The following CDH23 variants were observed in gnomAD, a reference collection of about 807,000 sequenced individuals.
CDH23 encodes the protein cadherin-23.
In CDH23, 189 loss-of-function variants were observed where a neutral mutation model predicts 317.1. The observed-to-expected ratio is 0.60, with a 90% CI of 0.53 to 0.67. The LOEUF is 0.67. Ranked by LOEUF, CDH23 falls within the 30% of genes least tolerant of loss-of-function variation. CDH23 has a pLI of 0.00. For missense variants in CDH23, 4,401 were observed against 4,592.4 expected (o/e 0.96, Z 1.20); for synonymous variants, 1,839 against 1,876.8 (o/e 0.98, Z 0.52).
rs769114390 is a variant in CDH23 at position 71,695,504 on chromosome 10, T to C, written c.2376T>C (p.Pro792=). ...PYYINLVEMT[P]PDSDVTTVVA... ...ACATCAACCTGGTGGAGATGACCCC[T>C]CCAGACTCTGATGTGACCACGGTAG... Residue 792 remains proline, a synonymous_variant, in exon 22 of 70, where the codon CCT becomes CCC. Coordinates refer to ENST00000224721, the MANE Select transcript of CDH23 (RefSeq NM_022124.6). 1.2e-6 allele frequency: 2 copies of C among 1,613,174 alleles called. No homozygotes were observed. The highest frequency in any genetic ancestry group is 3.3e-5 in the Admixed American group (2 of 60,020).
intron 62 of CDH23, among the ~76,000 whole-genome samples, chr10:71,811,103 AG>A (rs1841906080): frequency 7.2e-6 from 1 of 139,070 alleles, no homozygotes; most frequent in African/African-American, 2.7e-5. Context: ...AAAAAAAAAA[AG>A]GGAGTATTCC....
At chr10:71,740,689 AC>A in intron 36 of CDH23, 132 bp from the exon 37 acceptor site, 1 of 1,291,038 alleles carries the variant, frequency 7.7e-7, no homozygotes, top group East Asian at 2.5e-5. Flanking sequence ...TGGCCAGGCC[AC>A]CCAGGGGTTC....
At chr10:71,709,496 G>T (rs1485731795) in intron 27 of CDH23, among the ~76,000 whole-genome samples, 3 of 152,266 alleles carry the variant, frequency 2.0e-5, no homozygotes, top group Non-Finnish European at 4.4e-5. Flanking sequence ...GGAAAAGGAT[G>T]ACATAAGAGT....
intron 29 of CDH23, among the ~76,000 whole-genome samples, chr10:71,724,861 G>T (rs921923088): frequency 6.6e-6 from 1 of 152,238 alleles, no homozygotes; most frequent in Non-Finnish European, 1.5e-5. Flanking sequence ...ACTGACAGTA[G>T]AGGAGAGTAG....
intron 3 of CDH23, among the ~76,000 whole-genome samples, chr10:71,496,074 G>A (rs917644230): frequency 5.3e-5 from 8 of 152,088 alleles, no homozygotes; most frequent in Admixed American, 2.6e-4. Flanking sequence ...TGCTCTAACC[G>A]GGTGGTTCTT....
Position 71,785,639 on chromosome 10 carries a change from C to G in CDH23, c.5721C>G (p.Ile1907Met), listed in dbSNP as rs777270336. 1 of 1,594,534 alleles carries G rather than the reference C, an allele frequency of 6.3e-7. No homozygotes were observed. The highest frequency in any genetic ancestry group is 2.3e-5 in the East Asian group (1 of 44,020). Residue 1907 changes from isoleucine to methionine, a missense_variant, in exon 44 of 70, where the codon ATC (isoleucine) becomes ATG (methionine). Around this residue, in one of 3 missense-constraint regions of CDH23, gnomAD observed 3,068 missense variants for 3,203.3 expected, o/e 0.96. Transcript: ENST00000224721. Reference protein sequence around the residue: ...RAFFINATTGIVTVNRPLDRE... With the variant: ...RAFFINATTGMVTVNRPLDRE... ...CACCCTCCACATCCCAGACAGGGAT[C>G]GTCACTGTGAACCGGCCCCTGGACC...
At chr10:71,677,422 T>C (rs1209834779) in intron 15 of CDH23, 34 bp from the exon 16 acceptor site, 2 of 1,542,438 alleles carry the variant, frequency 1.3e-6, no homozygotes, top group Non-Finnish European at 1.8e-6. Context: ...TAAACCACGG[T>C]GTTCCTTCTC....
rs1847601291 is a variant in CDH23 at position 71,397,966 on chromosome 10, T to G, written c.-6+648T>G. Among the ~76,000 whole-genome samples, 1 of 152,228 alleles carries G rather than the reference T, an allele frequency of 6.6e-6. No homozygotes were observed. Among genetic ancestry groups the G allele is most frequent in the African/African-American group, 2.4e-5 (1 of 41,458 alleles). On this transcript the variant is annotated intron_variant, in intron 1 of 69. Transcript: ENST00000224721. This position sits in a 1 kb window ranked among gnomAD's most constrained non-coding sequence, Gnocchi z 4.8. Reference sequence around the variant, plus strand: ...GGCTCTCGCTTCGCCTTCCTGGCCCTGGAACTGGTCCGCTACGAGCGGTGC... The same window carrying G: ...GGCTCTCGCTTCGCCTTCCTGGCCCGGGAACTGGTCCGCTACGAGCGGTGC...
At chr10:71,651,567 A>AC (rs1554851526) in intron 14 of CDH23, among the ~76,000 whole-genome samples, 3 of 149,810 alleles carry the variant, frequency 2.0e-5, no homozygotes, top group Admixed American at 6.7e-5. Context: ...AAAAAAAAAA[A>AC]CCACTGGAGG....
chr10:71,477,650 A>G (rs1200977167), intron 3 of CDH23, among the ~76,000 whole-genome samples: 3 of 152,200 alleles, frequency 2.0e-5, no homozygotes, highest in Non-Finnish European at 2.9e-5. Flanking sequence ...CATGCCCTGC[A>G]TCTTACTCGA....
chr10:71,532,711 G>GTTTTTTTTTTTTTTGTTTTT (rs1855453226), intron 6 of CDH23, among the ~76,000 whole-genome samples: 1 of 128,100 alleles, frequency 7.8e-6, no homozygotes. Flanking sequence ...TTTTGTTTTT[G>GTTTTTTTTTTTTTTGTTTTT]TTTTTTTTTT....
rs577601610 is a variant in CDH23 at position 71,677,819 on chromosome 10, G to A, written c.1752+126G>A. ...CTCACTCTTTCACCCAGGCTGGAGT[G>A]CAGTGGTACAATCAGAGTTCATTGC... On this transcript the variant is annotated intron_variant, in intron 16 of 69. Transcript: ENST00000224721. 600 of 760,028 alleles carry A rather than the reference G, an allele frequency of 7.9e-4. 2 individuals are homozygous for A. The highest frequency in any genetic ancestry group is 1.2e-3 in the Non-Finnish European group (542 of 460,628). 47.1% of individuals were successfully genotyped at this position (760,028 alleles called of 1,614,324 possible).
intron 9 of CDH23, among the ~76,000 whole-genome samples, chr10:71,598,041 C>T (rs371628300): frequency 6.6e-6 from 1 of 152,242 alleles, no homozygotes; most frequent in East Asian, 1.9e-4. Flanking sequence ...GCCAACTTGG[C>T]AGCTCCACGT....
At chr10:71,478,845 C>T (rs1267311286) in intron 3 of CDH23, among the ~76,000 whole-genome samples, 1 of 152,222 alleles carries the variant, frequency 6.6e-6, no homozygotes, top group Non-Finnish European at 1.5e-5. Context: ...CTTAGAGCCC[C>T]TCCTTAACAA....
chr10:71,745,462 T>C (rs1440501756), intron 38 of CDH23, among the ~76,000 whole-genome samples: 1 of 151,954 alleles, frequency 6.6e-6, no homozygotes, highest in Non-Finnish European at 1.5e-5. Context: ...CCCGGGACAG[T>C]GTATATGGGA....
intron 14 of CDH23, among the ~76,000 whole-genome samples, chr10:71,669,883 C>T (rs573097528): frequency 5.3e-5 from 8 of 152,270 alleles, no homozygotes; most frequent in African/African-American, 1.4e-4. Context: ...CGCCTGTAAT[C>T]CCAGCTACTC....
At chr10:71,424,142 G>C (rs565898872) in intron 1 of CDH23, among the ~76,000 whole-genome samples, 1 of 152,366 alleles carries the variant, frequency 6.6e-6, no homozygotes, top group East Asian at 1.9e-4. Flanking sequence ...ATCCCGCCAC[G>C]TAGGTGCTGC....
intron 28 of CDH23, among the ~76,000 whole-genome samples, chr10:71,720,748 A>G (rs1451249546): frequency 6.6e-6 from 1 of 152,172 alleles, no homozygotes; most frequent in Admixed American, 6.5e-5. Flanking sequence ...AAAGCTGGAG[A>G]GGTCCTCAGG....
intron 9 of CDH23, among the ~76,000 whole-genome samples, chr10:71,596,709 TG>T (rs1275680569): frequency 2.0e-5 from 3 of 152,098 alleles, no homozygotes; most frequent in African/African-American, 7.2e-5. Flanking sequence ...CAGATGGGAA[TG>T]GGTCACAAAG....
Sources: allele counts gnomAD v4.1 joint callset (sites outside exome capture counted in the v4.1 genomes callset), GRCh38; gene constraint gnomAD v4.1.1; regional missense constraint gnomAD v4.1.1; non-coding constraint Gnocchi (gnomAD v3.1); transcripts MANE v1.5; gene names NCBI Gene and HGNC (gene_info 2026-07-23, HGNC 2026-07-21).